Variants in BBX observed in about 807,000 individuals in gnomAD.
BBX encodes HMG box transcription factor BBX.
Under a neutral mutation model 100.2 loss-of-function variants are expected in BBX, and 30 were observed. The observed-to-expected ratio is 0.30, with a 90% CI of 0.22 to 0.41. The LOEUF (loss-of-function observed/expected upper bound fraction) is 0.41. Ranked by LOEUF, BBX falls within the 10% of genes least tolerant of loss-of-function variation. The pLI is 1.00. For synonymous variants in BBX, 376 were observed against 388.1 expected (o/e 0.97, Z 0.37); for missense variants, 1,023 against 1,129.8 (o/e 0.91, Z 1.35).
intron 3 of BBX, among the ~76,000 whole-genome samples, chr3:107,673,807 G>A (rs1170944379): frequency 6.6e-6 from 1 of 151,938 alleles, no homozygotes; most frequent in African/African-American, 2.4e-5. Context: ...AAATAAAGAA[G>A]CCCACTTGTT....
chr3:107,790,386 C>G (rs751003761), intron 14 of BBX, among the ~76,000 whole-genome samples: 24 of 152,132 alleles, frequency 1.6e-4, no homozygotes, highest in Non-Finnish European at 2.6e-4. Flanking sequence ...TCCACCCCCC[C>G]TCGTTTGCCA....
intron 2 of BBX, among the ~76,000 whole-genome samples, chr3:107,638,165 C>T (rs1034726347): frequency 6.6e-6 from 1 of 151,722 alleles, no homozygotes; most frequent in Non-Finnish European, 1.5e-5. Context: ...AATCCTTCCA[C>T]CTCAGCCTCC....
chr3:107,540,090 T>C (rs1165774667), intron 2 of BBX, among the ~76,000 whole-genome samples: 1 of 152,148 alleles, frequency 6.6e-6, no homozygotes, highest in Non-Finnish European at 1.5e-5. Flanking sequence ...ACCTGCCAAA[T>C]AGTAGGGATT....
At chr3:107,707,854 AT>A (rs2061478927) in intron 3 of BBX, among the ~76,000 whole-genome samples, 1 of 152,234 alleles carries the variant, frequency 6.6e-6, no homozygotes, top group Non-Finnish European at 1.5e-5. Context: ...ATATATATAC[AT>A]TCACACATAG....
At chr3:107,713,977 T>C (rs1178415889) in intron 4 of BBX, among the ~76,000 whole-genome samples, 2 of 127,734 alleles carry the variant, frequency 1.6e-5, no homozygotes, top group African/African-American at 6.2e-5. Context: ...CTTTTTTTTT[T>C]TTTTTTTTTT....
chr3:107,596,919 C>T (rs1246692319), intron 2 of BBX, among the ~76,000 whole-genome samples: 1 of 152,114 alleles, frequency 6.6e-6, no homozygotes, highest in African/African-American at 2.4e-5. Flanking sequence ...TCTGTAATGG[C>T]ACTTGAAAGG....
intron 10 of BBX, among the ~76,000 whole-genome samples, chr3:107,761,119 A>G (rs2065867444): frequency 6.6e-6 from 1 of 152,096 alleles, no homozygotes; most frequent in South Asian, 2.1e-4. Flanking sequence ...ACCGCCATAC[A>G]TAGTGGGGAT....
chr3:107,560,521 C>T (rs1254986954), intron 2 of BBX, among the ~76,000 whole-genome samples: 2 of 152,146 alleles, frequency 1.3e-5, no homozygotes. Flanking sequence ...AGATAATTCA[C>T]AGTTCAGAAA....
intron 2 of BBX, among the ~76,000 whole-genome samples, chr3:107,569,079 T>A (rs954384203): frequency 1.3e-5 from 2 of 152,230 alleles, no homozygotes; most frequent in African/African-American, 2.4e-5. Flanking sequence ...ATCCCATAAT[T>A]GTAATAATAT....
rs371970259 is a variant in BBX, at chr3:107,708,547, G to A, written c.-9-1905G>A. The stretch of plus-strand genomic sequence containing the variant: ...AAATTAGCCGGTTGTGGTGGCGGGC[G>A]CCCGTAGTCCCAGCTACTCAGGAGG... On this transcript the variant is annotated intron_variant, in intron 3 of 17. Transcript: ENST00000325805. 1.2e-3 allele frequency among the ~76,000 whole-genome samples: 185 copies of A among 151,880 alleles called. 1 individual carries two copies. The highest frequency in any genetic ancestry group is 4.3e-3 in the African/African-American group (179 of 41,442).
At chr3:107,798,378 T>G (rs1471975995) in intron 15 of BBX, 145 bp from the exon 16 acceptor site, 2 of 742,584 alleles carry the variant, frequency 2.7e-6, no homozygotes, top group Non-Finnish European at 4.4e-6. Context: ...AACGTTTTAT[T>G]TCATTTTTTC....
chr3:107,682,867 TC>T (rs773539596), intron 3 of BBX, among the ~76,000 whole-genome samples: 1 of 152,108 alleles, frequency 6.6e-6, no homozygotes, highest in Non-Finnish European at 1.5e-5. Flanking sequence ...AAAGAGAAAA[TC>T]ACTTTCCACT....
intron 2 of BBX, among the ~76,000 whole-genome samples, chr3:107,549,301 C>G (rs2049480744): frequency 6.6e-6 from 1 of 151,912 alleles, no homozygotes; most frequent in Non-Finnish European, 1.5e-5. Flanking sequence ...AGTATACTTT[C>G]TAGTGGGGGA....
At chr3:107,652,376 T>TTG (rs199604027) in intron 3 of BBX, among the ~76,000 whole-genome samples, 30,047 of 152,104 alleles carry the variant, frequency 0.2, 3,218 homozygotes, top group African/African-American at 0.28. Flanking sequence ...TTTGTAAAAT[T>TTG]TACCAGTTTT....
chr3:107,733,185 G>A (rs1324707639), intron 7 of BBX, among the ~76,000 whole-genome samples, 162 bp downstream of exon 7: 1 of 152,014 alleles, frequency 6.6e-6, no homozygotes, highest in Non-Finnish European at 1.5e-5. Context: ...TGTGTGTTGA[G>A]TGTAAAAAAA....
chr3:107,581,730 G>C (rs950688439), intron 2 of BBX, among the ~76,000 whole-genome samples: 1 of 152,058 alleles, frequency 6.6e-6, no homozygotes, highest in East Asian at 1.9e-4. Context: ...AAGAATTTGA[G>C]TTACACATGA....
At chr3:107,592,241 C>T (rs896002172) in intron 2 of BBX, among the ~76,000 whole-genome samples, 1 of 150,640 alleles carries the variant, frequency 6.6e-6, no homozygotes, top group Non-Finnish European at 1.5e-5. Flanking sequence ...GTGGTGCGCA[C>T]GTGTGGTTCC....
At position 107,741,580 on chromosome 3, in the gene BBX, T is replaced by G. The variant is rs1353125285; in HGVS notation, c.670-3050T>G. On this transcript the variant is annotated intron_variant, in intron 7 of 17. Coordinates refer to ENST00000325805, the MANE Select transcript of BBX (RefSeq NM_001142568.3). The stretch of plus-strand genomic sequence containing the variant: ...CCTTATTAAATAACCACTACTTATT[T>G]AATATTTTTTCTTTCCTCTTAATTA... Among the ~76,000 whole-genome samples the G allele has an allele frequency of 9.9e-5, 15 of 152,194 alleles. 1 individual carries two copies. The highest frequency in any genetic ancestry group is 9.8e-4 in the Admixed American group (15 of 15,280).
At chr3:107,735,947 A>G (rs879069097) in intron 7 of BBX, among the ~76,000 whole-genome samples, 1 of 152,022 alleles carries the variant, frequency 6.6e-6, no homozygotes, top group African/African-American at 2.4e-5. Flanking sequence ...GTGATGAAAA[A>G]AAATGGATGC....
Sources: gnomAD v4.1 joint callset for allele counts (sites outside exome capture counted in the v4.1 genomes callset) on GRCh38, gnomAD v4.1.1 for gene constraint, MANE v1.5 for transcripts, NCBI Gene and HGNC (gene_info 2026-07-23, HGNC 2026-07-21) for gene names.